Variants in SNTG2 observed in about 807,000 individuals in gnomAD.
The protein encoded by SNTG2 is syntrophin gamma 2.
SNTG2 carries 74 observed loss-of-function variants against 70.9 expected under a neutral mutation model. The ratio of observed to expected loss-of-function variants is 1.04; its 90% CI spans 0.86 to 1.27. The LOEUF (loss-of-function observed/expected upper bound fraction) is 1.27, where lower values mean the gene tolerates loss of function less well. Ranked by LOEUF, SNTG2 falls within the 50% of genes most tolerant of loss-of-function variation. The pLI, the probability that SNTG2 is intolerant of heterozygous loss-of-function variation, is 0.00. For missense variants in SNTG2, 717 were observed against 690.7 expected (o/e 1.04, Z -0.43); for synonymous variants, 278 against 273.8 (o/e 1.02, Z -0.15).
In SNTG2 at chr2:1,128,177, T is replaced by C. The variant is rs1302947415; in HGVS notation, c.326-9445T>C. Among the ~76,000 whole-genome samples, 5 of 152,200 alleles carry C rather than the reference T, an allele frequency of 3.3e-5. No homozygotes were observed. The East Asian group carries it at 9.6e-4, about 29-fold the overall frequency. On this transcript the variant is annotated intron_variant, in intron 4 of 16. Transcript: ENST00000308624. ...GTTAAATTTTATTAAATGCTTTTTT[T>C]TTCTGAATCTATTTAGATGATCATA...
At chr2:1,240,584 CAT>C (rs1253387587) in intron 11 of SNTG2, among the ~76,000 whole-genome samples, 2 of 152,318 alleles carry the variant, frequency 1.3e-5, no homozygotes, top group East Asian at 3.9e-4. Context: ...CTGAGAAAAA[CAT>C]GTTCGCTTTG....
At chr2:958,019 T>A (rs899622405) in intron 1 of SNTG2, among the ~76,000 whole-genome samples, 1 of 152,140 alleles carries the variant, frequency 6.6e-6, no homozygotes, top group Non-Finnish European at 1.5e-5. Context: ...GGTTAGAACT[T>A]ACCTAATTGC....
At chr2:1,062,006 G>T (rs529243843) in intron 1 of SNTG2, among the ~76,000 whole-genome samples, 1 of 152,176 alleles carries the variant, frequency 6.6e-6, no homozygotes, top group African/African-American at 2.4e-5. Context: ...TCAGAAAAAT[G>T]GAATTAGACA....
intron 11 of SNTG2, among the ~76,000 whole-genome samples, chr2:1,243,241 C>T (rs1677163469): frequency 6.6e-6 from 1 of 152,174 alleles, no homozygotes. Context: ...TTGTGCCAAA[C>T]ACTGTGTCAA....
Position 1,150,720 on chromosome 2 carries a change from T to G in SNTG2, c.411+12911T>G, listed in dbSNP as rs539667178. 3.9e-5 allele frequency among the ~76,000 whole-genome samples: 6 copies of G among 152,004 alleles called. No individual in the cohort carries two copies. In the South Asian group the frequency reaches 1.2e-3, roughly 32 times the overall value. On this transcript the variant is annotated intron_variant, in intron 6 of 16. Coordinates refer to ENST00000308624, the MANE Select transcript of SNTG2 (RefSeq NM_018968.4). ...CAGCAGCAAATGTCGTGTTAGAGTA[T>G]AAAGGTCAGAATTTAGAGGGTCAGT...
chr2:1,154,682 C>T (rs573061204), intron 6 of SNTG2, among the ~76,000 whole-genome samples: 88 of 152,190 alleles, frequency 5.8e-4, no homozygotes, highest in Middle Eastern at 3.4e-3. Flanking sequence ...CAGTAAACTC[C>T]ATAAATTAAA....
At chr2:1,003,278 G>A (rs1179580553) in intron 1 of SNTG2, among the ~76,000 whole-genome samples, 3 of 152,262 alleles carry the variant, frequency 2.0e-5, no homozygotes, top group Non-Finnish European at 4.4e-5. Flanking sequence ...GGATTTGCAC[G>A]AGTATATGAA....
At chr2:1,090,784 T>C (rs533829097) in intron 2 of SNTG2, among the ~76,000 whole-genome samples, 7 of 152,192 alleles carry the variant, frequency 4.6e-5, no homozygotes, top group African/African-American at 1.7e-4. Flanking sequence ...ACTTGAGGCG[T>C]TTTTCCCTCA....
chr2:1,075,214 C>T (rs1050123327), intron 1 of SNTG2, among the ~76,000 whole-genome samples: 1 of 152,186 alleles, frequency 6.6e-6, no homozygotes, highest in Non-Finnish European at 1.5e-5. Context: ...GAAGTGCTCA[C>T]TGAGTCCCCA....
In SNTG2 at chr2:1,333,973, A is replaced by G. The variant is rs149394086; in HGVS notation, c.1488+17598A>G. ...TAATTAAACTAAAAAGCTCCTGCAC[A>G]GCAAAAGAAATGATCAGCAGAGTGA... On this transcript the variant is annotated intron_variant, in intron 16 of 16. Transcript: ENST00000308624. 5.9e-3 allele frequency among the ~76,000 whole-genome samples: 893 copies of G among 152,358 alleles called. 7 individuals are homozygous for G. The highest frequency in any genetic ancestry group is 0.02 in the African/African-American group (836 of 41,586).
At chr2:1,265,519 G>A (rs868601020) in intron 13 of SNTG2, among the ~76,000 whole-genome samples, 2 of 152,200 alleles carry the variant, frequency 1.3e-5, no homozygotes, top group Admixed American at 6.5e-5. Context: ...TGATCAGAGG[G>A]TCATCCTGCA....
intron 14 of SNTG2, among the ~76,000 whole-genome samples, chr2:1,278,148 G>A (rs1421199308): frequency 2.6e-5 from 4 of 152,164 alleles, no homozygotes; most frequent in Admixed American, 6.5e-5. Context: ...TAAGTTTCAC[G>A]GTATAACATG....
At chr2:1,167,143 C>T (rs1004467255) in intron 7 of SNTG2, among the ~76,000 whole-genome samples, 1 of 152,208 alleles carries the variant, frequency 6.6e-6, no homozygotes, top group Non-Finnish European at 1.5e-5. Flanking sequence ...CACCCACAGA[C>T]AGCAGAACTG....
chr2:953,485 A>G (rs62105719), intron 1 of SNTG2, among the ~76,000 whole-genome samples: 308 of 152,362 alleles, frequency 2.0e-3, no homozygotes, highest in Non-Finnish European at 3.3e-3. Flanking sequence ...GGGTAAGGGC[A>G]CCACCTAATC....
chr2:1,122,031 A>C (rs1266048290), intron 4 of SNTG2, among the ~76,000 whole-genome samples: 1 of 152,180 alleles, frequency 6.6e-6, no homozygotes, highest in Non-Finnish European at 1.5e-5. Context: ...TTTGTGGAAA[A>C]ATACAACCTG....
intron 9 of SNTG2, among the ~76,000 whole-genome samples, chr2:1,209,882 A>AT (rs58063831): frequency 0.18 from 26,632 of 151,954 alleles, 4,560 homozygotes; most frequent in African/African-American, 0.45. Context: ...CAGCAAAGGA[A>AT]TTTTTTTTAA....
rs940449856 is a variant in SNTG2 at position 1,022,218 on chromosome 2, A to C, written c.73-61300A>C. ...CTCCTGTGAATCCCTAGGTTCTTGC[A>C]AGTCCCTGATTTCCTGTGAGTCCCT... is the stretch of plus-strand genomic sequence containing the variant. On this transcript the variant is annotated intron_variant, in intron 1 of 16. Coordinates refer to ENST00000308624, the MANE Select transcript of SNTG2 (RefSeq NM_018968.4). 4.6e-5 allele frequency among the ~76,000 whole-genome samples: 7 copies of C among 152,018 alleles called. 1 individual carries two copies. Among genetic ancestry groups the C allele is most frequent in the Non-Finnish European group, 7.4e-5 (5 of 67,980 alleles).
In SNTG2 at chr2:1,164,560, G is replaced by A. The variant is rs372362648; in HGVS notation, c.412-988G>A. On this transcript the variant is annotated intron_variant, in intron 6 of 16. Coordinates refer to ENST00000308624, the MANE Select transcript of SNTG2 (RefSeq NM_018968.4). ...GCAGTCTCTGTGTAGAGGAGAGGGC[G>A]AGGTGGGATATGCCTGGCCTAGGAG... 2.8e-5 allele frequency among the ~76,000 whole-genome samples: 4 copies of A among 140,724 alleles called. No homozygotes were observed. In the South Asian group the frequency reaches 7.2e-4, roughly 26 times the overall value. 92.3% of individuals were successfully genotyped at this position (140,724 alleles called of 152,430 possible).
chr2:1,293,915 C>T (rs1385516733), intron 14 of SNTG2, among the ~76,000 whole-genome samples: 1 of 152,160 alleles, frequency 6.6e-6, no homozygotes, highest in Admixed American at 6.5e-5. Flanking sequence ...TGATCCGAAA[C>T]TGGAACCCAG....
Sources: allele counts gnomAD v4.1 joint callset (sites outside exome capture counted in the v4.1 genomes callset), GRCh38; gene constraint gnomAD v4.1.1; transcripts MANE v1.5; gene names NCBI Gene and HGNC (gene_info 2026-07-23, HGNC 2026-07-21).